The following CMSS1 variants were observed in gnomAD, a reference collection of about 807,000 sequenced individuals.
The protein encoded by CMSS1 is cms1 ribosomal small subunit homolog, also known as protein CMSS1.
Under a neutral mutation model 43.5 loss-of-function variants are expected in CMSS1, and 33 were observed. The observed-to-expected ratio is 0.76, with a 90% confidence interval of 0.57 to 1.01. CMSS1 has a LOEUF of 1.01. CMSS1 is among the 50% of genes least tolerant of loss of function. The pLI is 0.00. For synonymous variants in CMSS1, 115 were observed against 117.2 expected, an observed-to-expected ratio of 0.98 and a Z score of 0.12; for missense variants, 313 against 326.4, an observed-to-expected ratio of 0.96 and a Z score of 0.32.
intron 8 of CMSS1, among the ~76,000 whole-genome samples, chr3:100,173,355 G>A (rs954273628): frequency 6.6e-6 from 1 of 152,144 alleles, no homozygotes; most frequent in Non-Finnish European, 1.5e-5. Context: ...ACCTCATTTA[G>A]CACTCACAGC....
In CMSS1 at chr3:100,176,424, T is replaced by C. The variant is rs2067148914; in HGVS notation, c.756+9T>C. ...TGATGGACATTCCCGAGGTACCACG[T>C]AACCAGCAGTTGCCTTTAATCATTT... On this transcript the variant is annotated intron_variant, in intron 9 of 9. Coordinates refer to ENST00000421999, the MANE Select transcript of CMSS1 (RefSeq NM_032359.4). The C allele has an allele frequency of 3.2e-6, 5 of 1,575,720 alleles. No individual in the cohort carries two copies. The highest frequency in any genetic ancestry group is 4.4e-6 in the Non-Finnish European group (5 of 1,145,672).
At chr3:99,868,919 A>G (rs1944647940) in intron 1 of CMSS1, among the ~76,000 whole-genome samples, 1 of 152,172 alleles carries the variant, frequency 6.6e-6, no homozygotes, top group African/African-American at 2.4e-5. Context: ...TTGTTTTAGT[A>G]TATTACTTTT....
chr3:100,065,606 A>G (rs1014493933), intron 1 of CMSS1, among the ~76,000 whole-genome samples: 1 of 152,174 alleles, frequency 6.6e-6, no homozygotes, highest in South Asian at 2.1e-4. Context: ...TAATGAAAAA[A>G]GTATTCACTT....
intron 1 of CMSS1, among the ~76,000 whole-genome samples, chr3:99,965,316 G>A (rs1396709528): frequency 6.6e-6 from 1 of 152,182 alleles, no homozygotes; most frequent in Non-Finnish European, 1.5e-5. Flanking sequence ...TATCAAGAAT[G>A]AAAGGTTGGC....
At chr3:100,077,389 C>T (rs2065866673) in intron 1 of CMSS1, among the ~76,000 whole-genome samples, 1 of 152,168 alleles carries the variant, frequency 6.6e-6, no homozygotes, top group Admixed American at 6.5e-5. Context: ...TGTTTCAGGA[C>T]AGCAACCAGT....
chr3:99,841,637 A>C (rs1044331794), intron 1 of CMSS1, among the ~76,000 whole-genome samples: 1 of 152,206 alleles, frequency 6.6e-6, no homozygotes, highest in Non-Finnish European at 1.5e-5. Context: ...AGAGCTGAAC[A>C]AAACAGGCGC....
chr3:99,944,107 G>A (rs1707933793), intron 1 of CMSS1, among the ~76,000 whole-genome samples: 1 of 152,174 alleles, frequency 6.6e-6, no homozygotes, highest in Non-Finnish European at 1.5e-5. Context: ...TGGATTTTTA[G>A]CATCATGAGG....
chr3:99,925,107 A>G (rs568194033), intron 1 of CMSS1, among the ~76,000 whole-genome samples: 3 of 152,266 alleles, frequency 2.0e-5, no homozygotes, highest in East Asian at 1.9e-4. Context: ...AGCCCACCCT[A>G]TAGTTCTCTG....
In CMSS1 at chr3:99,848,474, T is replaced by C. The variant is rs201557511; in HGVS notation, c.64+30431T>C. 9.9e-6 allele frequency: 16 copies of C among 1,614,186 alleles called. 1 individual carries two copies. The Admixed American group carries it at 2.5e-4, about 25-fold the overall frequency. ...CTGGCTACAGCTTGCATGTAAGGACTTCCTAAGTGAATGTGGATTTTATTA... is the reference window on the plus strand; with the variant it reads ...CTGGCTACAGCTTGCATGTAAGGACCTCCTAAGTGAATGTGGATTTTATTA... On this transcript the variant is annotated intron_variant, in intron 1 of 9. Transcript: ENST00000421999.
chr3:99,944,850 G>T (rs991735110), intron 1 of CMSS1, among the ~76,000 whole-genome samples: 6 of 152,134 alleles, frequency 3.9e-5, no homozygotes, highest in Admixed American at 3.9e-4. Flanking sequence ...ATCACAAAGT[G>T]GTGAGAAGAG....
chr3:99,913,821 A>G (rs148127916), intron 1 of CMSS1, among the ~76,000 whole-genome samples: 1 of 152,258 alleles, frequency 6.6e-6, no homozygotes, highest in African/African-American at 2.4e-5. Flanking sequence ...AAAACGTAGA[A>G]AACACATATT....
chr3:99,852,515 G>A (rs772621550), intron 1 of CMSS1, among the ~76,000 whole-genome samples: 4 of 151,966 alleles, frequency 2.6e-5, no homozygotes, highest in Non-Finnish European at 4.4e-5. Context: ...GGGCGATCTC[G>A]ACTCACTGCA....
chr3:100,061,789 C>T lies in CMSS1; in HGVS notation c.65-85184C>T, dbSNP rs71313586. ...GAAGGTAATGCAATACCCAAGGACT[C>T]ACAGCTAGGAAATATCAGAGGCAAG... On this transcript the variant is annotated intron_variant, in intron 1 of 9. Coordinates refer to ENST00000421999, the MANE Select transcript of CMSS1 (RefSeq NM_032359.4). Among the ~76,000 whole-genome samples the T allele has an allele frequency of 2.4e-3, 360 of 152,298 alleles. 1 individual carries two copies. The highest frequency in any genetic ancestry group is 4.0e-3 in the Non-Finnish European group (271 of 68,026).
chr3:100,101,656 C>T (rs2066307302), intron 1 of CMSS1, among the ~76,000 whole-genome samples: 1 of 151,978 alleles, frequency 6.6e-6, no homozygotes, highest in Non-Finnish European at 1.5e-5. Flanking sequence ...TTTTAGGGTA[C>T]ATGTGCACAA....
rs115008419 is a variant in CMSS1 at position 99,834,694 on chromosome 3, A to C, written c.64+16651A>C. Among the ~76,000 whole-genome samples the C allele has an allele frequency of 4.9e-3, 732 of 150,276 alleles. 10 individuals carry two copies. The highest frequency in any genetic ancestry group is 0.016 in the African/African-American group (672 of 40,814). ...CCCTCCCCTCTCCTGTGTCTTTCTC[A>C]TTTCTTCATTTGCACCCACTTAATT... On this transcript the variant is annotated intron_variant, in intron 1 of 9. Coordinates refer to ENST00000421999, the MANE Select transcript of CMSS1 (RefSeq NM_032359.4).
intron 1 of CMSS1, among the ~76,000 whole-genome samples, chr3:99,882,686 C>G (rs903049703): frequency 1.3e-5 from 2 of 152,086 alleles, no homozygotes; most frequent in African/African-American, 2.4e-5. Context: ...TTTTCTGGGA[C>G]TGAATGTTTC....
intron 1 of CMSS1, among the ~76,000 whole-genome samples, chr3:99,899,141 T>A (rs185875552): frequency 1.3e-5 from 2 of 152,362 alleles, no homozygotes; most frequent in Non-Finnish European, 2.9e-5. Context: ...AGACTTAAAC[T>A]GGGAACTCAT....
chr3:99,959,180 ACT>A (rs1708423357), intron 1 of CMSS1, among the ~76,000 whole-genome samples: 1 of 152,128 alleles, frequency 6.6e-6, no homozygotes, highest in Non-Finnish European at 1.5e-5. Context: ...GCAGAGTCTC[ACT>A]CTCTTGCCCA....
chr3:99,836,670 TAATGATAAG>T (rs555282881), intron 1 of CMSS1, among the ~76,000 whole-genome samples: 3 of 152,210 alleles, frequency 2.0e-5, no homozygotes, highest in Non-Finnish European at 4.4e-5. Flanking sequence ...CACTCTATCT[TAATGATAAG>T]AATATAACTA....
Sources: allele counts gnomAD v4.1 joint callset (sites outside exome capture counted in the v4.1 genomes callset), GRCh38; gene constraint gnomAD v4.1.1; transcripts MANE v1.5; gene names NCBI Gene and HGNC (gene_info 2026-07-23, HGNC 2026-07-21).